EFCAB8: variants seen among roughly 807,000 people sequenced by gnomAD.
The protein encoded by EFCAB8 is EF-hand calcium binding domain 8.
A neutral mutation model predicts 116.3 loss-of-function variants in EFCAB8; 100 were observed. That is an observed-to-expected ratio of 0.86 (90% CI 0.73 to 1.02). EFCAB8 has a LOEUF of 1.02. Among genes scored for constraint, EFCAB8 ranks in the 50% least tolerant of loss-of-function variants. The pLI, the probability that EFCAB8 is intolerant of heterozygous loss-of-function variation, is 0.00. For missense variants in EFCAB8, 1,320 were observed against 1,416.9 expected (o/e 0.93, Z 1.10); for synonymous variants, 558 against 567.9 (o/e 0.98, Z 0.25).
Position 32,889,548 on chromosome 20 carries a change from C to T in EFCAB8, c.673+142C>T, listed in dbSNP as rs147311977. On this transcript the variant is annotated intron_variant, in intron 7 of 26. Coordinates refer to ENST00000400522, the MANE Select transcript of EFCAB8 (RefSeq NM_001143967.2). ...ATAGCCAGGTGGAGAGGCCTTAGTG[C>T]CAAGTAGGCAGGGGGTGGTCGGTGA... 11 of 804,382 alleles carry T rather than the reference C, an allele frequency of 1.4e-5. No individual in the cohort carries two copies. The East Asian group carries it at 2.7e-4, about 20-fold the overall frequency. 49.8% of individuals were successfully genotyped at this position (804,382 alleles called of 1,614,324 possible). A position where few individuals can be genotyped will look rare whatever the true frequency, so the allele number is the denominator to read the frequency against.
chr20:32,859,547 C>T (rs1021791806), intron 1 of EFCAB8, among the ~76,000 whole-genome samples: 1 of 152,184 alleles, frequency 6.6e-6, no homozygotes, highest in Non-Finnish European at 1.5e-5. Context: ...GAACCACTTT[C>T]TCCTGGTGAA....
At chr20:32,929,154 T>C (rs1201440147) in intron 20 of EFCAB8, among the ~76,000 whole-genome samples, 1 of 151,966 alleles carries the variant, frequency 6.6e-6, no homozygotes, top group Non-Finnish European at 1.5e-5. Flanking sequence ...TTTTTTCTTA[T>C]AATGTCTTTG....
intron 23 of EFCAB8, among the ~76,000 whole-genome samples, chr20:32,949,207 C>T (rs1988725055): frequency 6.6e-6 from 1 of 152,090 alleles, no homozygotes; most frequent in African/African-American, 2.4e-5. Flanking sequence ...GTAAAAGATA[C>T]ATTTACGAAA....
chr20:32,899,945 C>T (rs1177279720), intron 11 of EFCAB8, among the ~76,000 whole-genome samples: 1 of 152,148 alleles, frequency 6.6e-6, no homozygotes, highest in African/African-American at 2.4e-5. Context: ...TATGTTCTCT[C>T]GCGGAGTCTT....
intron 1 of EFCAB8, among the ~76,000 whole-genome samples, chr20:32,861,750 C>G (rs1230031879): frequency 2.6e-5 from 4 of 152,078 alleles, no homozygotes; most frequent in Non-Finnish European, 5.9e-5. Flanking sequence ...CGCCATGAAC[C>G]CTTTTTTAAT....
Position 32,961,720 on chromosome 20 carries a change from GCCACC to G in EFCAB8, c.*116_*120del. 1.6e-6 allele frequency: 1 copy of G among 618,240 alleles called. No homozygotes were observed. Among genetic ancestry groups the G allele is most frequent in the Non-Finnish European group, 2.4e-6 (1 of 421,052 alleles). 38.3% of individuals were successfully genotyped at this position (618,240 alleles called of 1,614,324 possible). A position where few individuals can be genotyped will look rare whatever the true frequency, so the allele number is the denominator to read the frequency against. On this transcript the variant is annotated 3_prime_UTR_variant, in exon 27 of 27. Transcript: ENST00000400522. ...CCCAGAGGATGTGGCTCTTCCCCCGGCCACCCCACTGGGCCTCTCTGGGGAAGTTC... is the reference window on the plus strand; with the variant it reads ...CCCAGAGGATGTGGCTCTTCCCCCGGCCACTGGGCCTCTCTGGGGAAGTTC...
At chr20:32,918,721 G>T in intron 19 of EFCAB8, 147 bp downstream of exon 19, 1 of 792,122 alleles carries the variant, frequency 1.3e-6, no homozygotes, top group Non-Finnish European at 2.0e-6. Flanking sequence ...AGCATTGTGG[G>T]CCTGGGCAGG....
At chr20:32,895,698 A>G (rs1986126639) in intron 9 of EFCAB8, among the ~76,000 whole-genome samples, 1 of 151,158 alleles carries the variant, frequency 6.6e-6, no homozygotes, top group Non-Finnish European at 1.5e-5. Context: ...CAGGCTCCTG[A>G]GTAGCTGTGA....
intron 13 of EFCAB8, among the ~76,000 whole-genome samples, chr20:32,907,543 T>C (rs929994819): frequency 6.6e-6 from 1 of 152,188 alleles, no homozygotes; most frequent in Non-Finnish European, 1.5e-5. Flanking sequence ...GGGCCCACAG[T>C]GCTGGGGGCC....
At chr20:32,919,437 CACT>C (rs1417463707) in intron 19 of EFCAB8, among the ~76,000 whole-genome samples, 2 of 152,122 alleles carry the variant, frequency 1.3e-5, no homozygotes, top group African/African-American at 4.8e-5. Flanking sequence ...GAGGTTACAC[CACT>C]GTTTTCAAAT....
At chr20:32,907,839 C>A (rs531727254) in intron 13 of EFCAB8, among the ~76,000 whole-genome samples, 177 of 152,270 alleles carry the variant, frequency 1.2e-3, no homozygotes, top group African/African-American at 4.2e-3. Flanking sequence ...AGGGAAAGTT[C>A]CTCCACCTGG....
rs116697586 is a variant in EFCAB8, at chr20:32,918,434, A to G, written c.2134A>G (p.Thr712Ala). 1.1e-3 allele frequency: 1,716 copies of G among 1,551,736 alleles called. 6 individuals are homozygous for G. The African/African-American group carries it at 0.013, about 12-fold the overall frequency. ...SRPYVEREKW[T>A]YKTSRKLSSL... The stretch of plus-strand genomic sequence containing the variant: ...ACCCTATGTGGAGCGGGAGAAGTGG[A>G]CATACAAGACCTCCAGGAAGCTCTC... Residue 712 changes from threonine to alanine, a missense_variant, in exon 19 of 27, where the codon ACA (threonine) becomes GCA (alanine). Physicochemically the swap from Thr to Ala is moderately conservative, Grantham distance 58. Coordinates refer to ENST00000400522, the MANE Select transcript of EFCAB8 (RefSeq NM_001143967.2).
intron 11 of EFCAB8, among the ~76,000 whole-genome samples, chr20:32,905,092 C>T (rs891655622): frequency 6.6e-6 from 1 of 152,204 alleles, no homozygotes; most frequent in Non-Finnish European, 1.5e-5. Context: ...CCCTCTGAGC[C>T]TCACCCGGCC....
intron 9 of EFCAB8, 142 bp downstream of exon 9, chr20:32,893,440 G>C: frequency 7.9e-7 from 1 of 1,266,686 alleles, no homozygotes; most frequent in Admixed American, 2.4e-5. Flanking sequence ...AGCGCAGGGT[G>C]CATGCCGCTC....
At chr20:32,898,847 G>A (rs1461940847) in intron 11 of EFCAB8, among the ~76,000 whole-genome samples, 1 of 152,224 alleles carries the variant, frequency 6.6e-6, no homozygotes, top group Non-Finnish European at 1.5e-5. Flanking sequence ...GTGATTGGCA[G>A]TCAGTGAAAT....
At chr20:32,862,385 A>AT (rs949430801) in intron 1 of EFCAB8, among the ~76,000 whole-genome samples, 9 of 151,550 alleles carry the variant, frequency 5.9e-5, no homozygotes, top group African/African-American at 2.2e-4. Context: ...GCCTCGGCCT[A>AT]TTTTTTATTC....
intron 2 of EFCAB8, among the ~76,000 whole-genome samples, 181 bp downstream of exon 2, chr20:32,864,015 C>T (rs562743042): frequency 7.3e-5 from 11 of 151,534 alleles, no homozygotes; most frequent in Non-Finnish European, 1.2e-4. Flanking sequence ...CTCGCTCTGT[C>T]GCCCAGGCTG....
chr20:32,859,682 GTTA>G (rs909014366), intron 1 of EFCAB8, among the ~76,000 whole-genome samples: 5 of 152,158 alleles, frequency 3.3e-5, no homozygotes, highest in Non-Finnish European at 7.4e-5. Context: ...CCACATTTGT[GTTA>G]TTATACATGT....
At chr20:32,920,460 A>C (rs1332373056) in intron 20 of EFCAB8, among the ~76,000 whole-genome samples, 4 of 152,198 alleles carry the variant, frequency 2.6e-5, no homozygotes, top group Non-Finnish European at 4.4e-5. Context: ...GACTGAGAAG[A>C]AAAAGAGGTT....
Sources: allele counts gnomAD v4.1 joint callset (sites outside exome capture counted in the v4.1 genomes callset), GRCh38; gene constraint gnomAD v4.1.1; transcripts MANE v1.5; gene names NCBI Gene and HGNC (gene_info 2026-07-23, HGNC 2026-07-21).